SEMA5B: variants seen among roughly 807,000 people sequenced by gnomAD.
The protein encoded by SEMA5B is semaphorin-5B.
A neutral mutation model predicts 135.0 loss-of-function variants in SEMA5B; 66 were observed. The ratio of observed to expected loss-of-function variants is 0.49; its 90% CI spans 0.40 to 0.60. The LOEUF (loss-of-function observed/expected upper bound fraction) is 0.60, where lower values mean the gene tolerates loss of function less well. SEMA5B is among the 20% of genes least tolerant of loss of function. SEMA5B has a pLI of 0.00. For synonymous variants in SEMA5B, 690 were observed against 639.5 expected, an observed-to-expected ratio of 1.08 and a Z score of -1.19; for missense variants, 1,501 against 1,566.3, an observed-to-expected ratio of 0.96 and a Z score of 0.70.
chr3:123,017,056 T>A (rs1020841557), intron 1 of SEMA5B, among the ~76,000 whole-genome samples: 2 of 151,982 alleles, frequency 1.3e-5, no homozygotes, highest in Admixed American at 6.6e-5. Flanking sequence ...CACGCCCGGC[T>A]AATTTTTTGT....
intron 1 of SEMA5B, among the ~76,000 whole-genome samples, chr3:123,024,966 C>T (rs1389731942): frequency 1.3e-5 from 2 of 152,108 alleles, no homozygotes; most frequent in African/African-American, 4.8e-5. Context: ...TTTGTGCTTC[C>T]CCTGACATGG....
intron 1 of SEMA5B, among the ~76,000 whole-genome samples, chr3:122,973,681 G>A (rs896091661): frequency 6.6e-6 from 1 of 152,144 alleles, no homozygotes; most frequent in Non-Finnish European, 1.5e-5. Context: ...GGAGCTGAAC[G>A]ATGCTGCAAA....
chr3:123,016,174 A>G (rs1487244305), intron 1 of SEMA5B, among the ~76,000 whole-genome samples: 4 of 152,172 alleles, frequency 2.6e-5, no homozygotes, highest in Non-Finnish European at 4.4e-5. Flanking sequence ...GGAGCCCCAC[A>G]TTGGTGTGTG....
intron 1 of SEMA5B, among the ~76,000 whole-genome samples, chr3:122,965,175 C>T (rs1443134495): frequency 3.9e-5 from 6 of 152,206 alleles, no homozygotes; most frequent in African/African-American, 1.4e-4. Context: ...GAGCTGGGGG[C>T]AGGAGCTCAG....
intron 5 of SEMA5B, among the ~76,000 whole-genome samples, chr3:122,934,855 C>T (rs1372518658): frequency 8.0e-6 from 1 of 124,838 alleles, no homozygotes; most frequent in East Asian, 2.3e-4. Flanking sequence ...GCCTTAGTGA[C>T]AGAGTCAGAC....
intron 5 of SEMA5B, among the ~76,000 whole-genome samples, chr3:122,937,274 G>A (rs941960724): frequency 2.6e-5 from 4 of 152,210 alleles, no homozygotes; most frequent in Admixed American, 6.5e-5. Context: ...CTCCCGGAGA[G>A]GGCACTGGCA....
At chr3:122,991,489 G>A in intron 1 of SEMA5B, among the ~76,000 whole-genome samples, 1 of 150,816 alleles carries the variant, frequency 6.6e-6, no homozygotes, top group East Asian at 2.0e-4. Flanking sequence ...TCACACAGGT[G>A]GAAGCCAGGG....
intron 2 of SEMA5B, among the ~76,000 whole-genome samples, chr3:122,958,847 A>G (rs754690506): frequency 6.6e-6 from 1 of 152,082 alleles, no homozygotes; most frequent in Non-Finnish European, 1.5e-5. Context: ...GCTTTCTGCA[A>G]TCTGGGCTGA....
intron 1 of SEMA5B, among the ~76,000 whole-genome samples, chr3:123,025,862 A>G (rs1942785507): frequency 1.3e-5 from 2 of 152,208 alleles, no homozygotes; most frequent in East Asian, 1.9e-4. Context: ...CGGGAAAGGT[A>G]CTGGCTGTTT....
At chr3:122,956,986 G>A (rs1461463995) in intron 2 of SEMA5B, among the ~76,000 whole-genome samples, 1 of 152,212 alleles carries the variant, frequency 6.6e-6, no homozygotes, top group Non-Finnish European at 1.5e-5. Flanking sequence ...CCAGACAGAG[G>A]GCACAGCAGG....
chr3:123,000,503 C>A (rs965503858), intron 1 of SEMA5B, among the ~76,000 whole-genome samples: 6 of 152,160 alleles, frequency 3.9e-5, no homozygotes, highest in Non-Finnish European at 7.3e-5. Context: ...TGGCATTTGG[C>A]ATGCACCTGG....
rs375778292 is a variant in SEMA5B at position 123,007,650 on chromosome 3, T to C, written c.-39+19814A>G. 9.2e-5 allele frequency among the ~76,000 whole-genome samples: 14 copies of C among 152,228 alleles called. 1 individual carries two copies. Among genetic ancestry groups the C allele is most frequent in the East Asian group, 5.8e-4 (3 of 5,182 alleles). On this transcript the variant is annotated intron_variant, in intron 1 of 22. Transcript: ENST00000357599. ...GAGGAAAAGACTTAAGTGAGCACAT[T>C]TGCATGCTTAGCTCCTTTGCCATGT...
At chr3:122,910,580 C>A (rs1397048284) in intron 22 of SEMA5B, among the ~76,000 whole-genome samples, 1 of 152,024 alleles carries the variant, frequency 6.6e-6, no homozygotes. Flanking sequence ...GAGGCCGAGG[C>A]GGGCGGATCA....
rs545629547 is a variant in SEMA5B at position 122,984,556 on chromosome 3, A to T, written c.-38-23255T>A. Among the ~76,000 whole-genome samples the T allele has an allele frequency of 5.9e-5, 9 of 152,308 alleles. No individual in the cohort carries two copies. The East Asian group carries it at 1.5e-3, about 26-fold the overall frequency. The stretch of plus-strand genomic sequence containing the variant: ...CTCCTCTGCTCCAACAAAAACCCAC[A>T]GCAGAATCCTGGGCACATCACAAAT... On this transcript the variant is annotated intron_variant, in intron 1 of 22. Coordinates refer to ENST00000357599, the MANE Select transcript of SEMA5B (RefSeq NM_001031702.4).
In SEMA5B at chr3:122,962,645, T is replaced by C. The variant is rs564523400; in HGVS notation, c.-38-1344A>G. Among the ~76,000 whole-genome samples the C allele has an allele frequency of 9.2e-5, 14 of 152,352 alleles. No individual in the cohort carries two copies. The East Asian group carries it at 2.7e-3, about 29-fold the overall frequency. On this transcript the variant is annotated intron_variant, in intron 1 of 22. Transcript: ENST00000357599. ...TCTTTAAGTAATGAGTTCCACTGTG[T>C]TCCTAAAATAGGATTTACACCCAAT...
intron 21 of SEMA5B, 98 bp from the exon 22 acceptor site, chr3:122,911,143 G>T: frequency 8.7e-7 from 1 of 1,149,992 alleles, no homozygotes. Flanking sequence ...AGGAGGCTCT[G>T]AGGCATCCTG....
chr3:122,925,246 G>A (rs1473488410), intron 9 of SEMA5B, among the ~76,000 whole-genome samples: 1 of 151,958 alleles, frequency 6.6e-6, no homozygotes, highest in African/African-American at 2.4e-5. Flanking sequence ...CCTTGGTCTC[G>A]GTGCCCACCC....
intron 2 of SEMA5B, among the ~76,000 whole-genome samples, chr3:122,956,167 T>A (rs773607310): frequency 6.6e-6 from 1 of 152,248 alleles, no homozygotes; most frequent in Non-Finnish European, 1.5e-5. Context: ...AGCCAACTCC[T>A]GCTATTTTGG....
At chr3:122,947,215 G>A (rs998616016) in intron 3 of SEMA5B, among the ~76,000 whole-genome samples, 1 of 152,188 alleles carries the variant, frequency 6.6e-6, no homozygotes, top group African/African-American at 2.4e-5. Context: ...GCCATCAGAA[G>A]TCTGAGGGTG....
Sources: gnomAD v4.1 joint callset for allele counts (sites outside exome capture counted in the v4.1 genomes callset) on GRCh38, gnomAD v4.1.1 for gene constraint, MANE v1.5 for transcripts, NCBI Gene and HGNC (gene_info 2026-07-23, HGNC 2026-07-21) for gene names.